Variants in PTPN14 observed in about 807,000 individuals in gnomAD.
The protein encoded by PTPN14 is tyrosine-protein phosphatase non-receptor type 14.
Under a neutral mutation model 126.8 loss-of-function variants are expected in PTPN14, and 53 were observed. The ratio of observed to expected loss-of-function variants is 0.42; its 90% CI spans 0.34 to 0.53. The LOEUF is 0.53. Ranked by LOEUF, PTPN14 falls within the 20% of genes least tolerant of loss-of-function variation. The pLI is 0.08. For synonymous variants in PTPN14, 630 were observed against 599.3 expected, an observed-to-expected ratio of 1.05 and a Z score of -0.75; for missense variants, 1,257 against 1,552.9, an observed-to-expected ratio of 0.81 and a Z score of 3.20.
Position 214,413,170 on chromosome 1 carries a change from C to A in PTPN14, c.443-1419G>T, listed in dbSNP as rs115413876. Among the ~76,000 whole-genome samples, 750 of 152,314 alleles carry A rather than the reference C, an allele frequency of 4.9e-3. 8 individuals carry two copies. Among genetic ancestry groups the A allele is most frequent in the African/African-American group, 0.016 (673 of 41,570 alleles). On this transcript the variant is annotated intron_variant, in intron 4 of 18. Transcript: ENST00000366956. Reference sequence around the variant, plus strand: ...GGGATTATAGGCATAAGCCACCACACCCAGCCCAACGAAAGCTTTTTAAAA... The same window carrying A: ...GGGATTATAGGCATAAGCCACCACAACCAGCCCAACGAAAGCTTTTTAAAA...
intron 3 of PTPN14, among the ~76,000 whole-genome samples, chr1:214,428,792 T>C (rs1203808312): frequency 6.6e-6 from 1 of 152,228 alleles, no homozygotes; most frequent in Non-Finnish European, 1.5e-5. Flanking sequence ...ATTTCCTTTC[T>C]TCCCACTTGA....
rs375961892 is a variant in PTPN14, at chr1:214,450,929, T to C, written c.344+876A>G. ...TCTCCAAGCTAAAGCAGACACTGAG[T>C]AGCTGCAATACCTTGTTCTCCTCTT... On this transcript the variant is annotated intron_variant, in intron 3 of 18. Transcript: ENST00000366956. Among the ~76,000 whole-genome samples the C allele has an allele frequency of 8.4e-4, 128 of 152,298 alleles. 2 individuals are homozygous for C. In the South Asian group the frequency reaches 0.026, roughly 31 times the overall value.
chr1:214,475,073 G>T (rs1344641912), intron 1 of PTPN14, among the ~76,000 whole-genome samples: 1 of 152,172 alleles, frequency 6.6e-6, no homozygotes, highest in Non-Finnish European at 1.5e-5. Context: ...GTTCTTGAAG[G>T]TGGGAGACAG....
intron 1 of PTPN14, among the ~76,000 whole-genome samples, chr1:214,485,928 A>G (rs532366580): frequency 9.9e-5 from 15 of 152,126 alleles, no homozygotes; most frequent in East Asian, 1.9e-4. Context: ...GGGTTTCACC[A>G]TGTTAGCCAG....
intron 3 of PTPN14, among the ~76,000 whole-genome samples, chr1:214,437,680 G>A (rs1000810127): frequency 1.3e-5 from 2 of 152,136 alleles, no homozygotes; most frequent in East Asian, 1.9e-4. Context: ...CCAGGAAGAC[G>A]CCCACAATTT....
chr1:214,482,305 A>G (rs1403736441), intron 1 of PTPN14, among the ~76,000 whole-genome samples: 1 of 70,488 alleles, frequency 1.4e-5, no homozygotes, highest in African/African-American at 5.3e-5. Context: ...GGCAAACAGA[A>G]AGGTGCTTTA....
chr1:214,497,811 T>A (rs2102426584), intron 1 of PTPN14, among the ~76,000 whole-genome samples: 1 of 152,252 alleles, frequency 6.6e-6, no homozygotes. Flanking sequence ...GGAAAAGTTC[T>A]GTGAGGAAAC....
In PTPN14 at chr1:214,355,220, G is replaced by A. The variant is rs894844229; in HGVS notation, c.*2702C>T. On this transcript the variant is annotated 3_prime_UTR_variant, in exon 19 of 19. Coordinates refer to ENST00000366956, the MANE Select transcript of PTPN14 (RefSeq NM_005401.5). ...ACTAATGAATATTCCCGTAGCATAC[G>A]GCAGGGACAGTGGATGAATTTCAGG... 6.6e-6 allele frequency: 1 copy of A among 152,134 alleles called. No individual in the cohort carries two copies. The highest frequency in any genetic ancestry group is 2.4e-5 in the African/African-American group (1 of 41,412). The allele number at this position is 152,134 out of a possible 1,614,324, so 9.4% of individuals were successfully genotyped here.
chr1:214,451,799 A>G lies in PTPN14; in HGVS notation c.344+6T>C. 1 of 1,613,652 alleles carries G rather than the reference A, an allele frequency of 6.2e-7. No individual in the cohort carries two copies. The highest frequency in any genetic ancestry group is 8.5e-7 in the Non-Finnish European group (1 of 1,179,768). On this transcript the variant is annotated splice_donor_region_variant and intron_variant, in intron 3 of 18. Transcript: ENST00000366956. ...TATATGGCACACAGGGGGAAAATGC[A>G]CCTACCTTGTGGCCTCTTGCTGAAG...
intron 1 of PTPN14, among the ~76,000 whole-genome samples, chr1:214,504,102 G>C (rs909001091): frequency 7.9e-5 from 12 of 152,126 alleles, no homozygotes; most frequent in Non-Finnish European, 1.8e-4. Context: ...CTAGTAATGA[G>C]AATGTGGAAA....
At chr1:214,417,787 C>T (rs1027390578) in intron 3 of PTPN14, among the ~76,000 whole-genome samples, 5 of 152,080 alleles carry the variant, frequency 3.3e-5, no homozygotes, top group African/African-American at 7.2e-5. Flanking sequence ...ACTCAGAGGC[C>T]GGGTACGTGT....
At chr1:214,483,109 A>G (rs1661034343) in intron 1 of PTPN14, 2 of 1,611,256 alleles carry the variant, frequency 1.2e-6, no homozygotes, top group Non-Finnish European at 1.7e-6. Context: ...ATGTTTCCAC[A>G]AATACTTGAA....
chr1:214,401,654 G>T, intron 7 of PTPN14, 31 bp downstream of exon 7: 2 of 1,495,700 alleles, frequency 1.3e-6, no homozygotes, highest in East Asian at 2.3e-5. Context: ...GTCTGAGAAG[G>T]TTAAAGCCAG....
chr1:214,478,226 G>C (rs1660906844), intron 1 of PTPN14, among the ~76,000 whole-genome samples: 1 of 152,152 alleles, frequency 6.6e-6, no homozygotes, highest in African/African-American at 2.4e-5. Context: ...GTAACAACCT[G>C]AGTATCCATA....
intron 3 of PTPN14, among the ~76,000 whole-genome samples, chr1:214,450,430 C>T (rs1660248562): frequency 6.6e-6 from 1 of 151,346 alleles, no homozygotes; most frequent in African/African-American, 2.4e-5. Context: ...CAAGATCGTG[C>T]CACTGCACTC....
Position 214,463,308 on chromosome 1 carries a change from G to A in PTPN14, c.174+1322C>T, listed in dbSNP as rs1350155327. On this transcript the variant is annotated intron_variant, in intron 2 of 18. Transcript: ENST00000366956. ...TGTGTTTAAATGTGTGTATCCTAAT[G>A]TGATACCAACGAGAAAAAGAGAGCC... 1.3e-4 allele frequency among the ~76,000 whole-genome samples: 12 copies of A among 92,806 alleles called. No homozygotes were observed. In the East Asian group the frequency reaches 3.6e-3, roughly 28 times the overall value. The allele number at this position is 92,806 out of a possible 152,430, so 60.9% of individuals were successfully genotyped here. A position where few individuals can be genotyped will look rare whatever the true frequency, so the allele number is the denominator to read the frequency against.
intron 1 of PTPN14, among the ~76,000 whole-genome samples, chr1:214,511,851 C>T (rs1654981232): frequency 6.6e-6 from 1 of 152,206 alleles, no homozygotes; most frequent in African/African-American, 2.4e-5. Flanking sequence ...ATACATGCTA[C>T]AACATGGATG....
intron 14 of PTPN14, 31 bp downstream of exon 14, chr1:214,377,928 A>C: frequency 6.2e-7 from 1 of 1,602,160 alleles, no homozygotes; most frequent in Non-Finnish European, 8.5e-7. Flanking sequence ...GACTACAGAG[A>C]ATGAGTCACA....
At chr1:214,387,557 T>C (rs1658649373) in intron 11 of PTPN14, among the ~76,000 whole-genome samples, 1 of 151,744 alleles carries the variant, frequency 6.6e-6, no homozygotes, top group South Asian at 2.1e-4. Context: ...CATGCACCTG[T>C]AGTCCCAGCT....
Sources: allele counts gnomAD v4.1 joint callset (sites outside exome capture counted in the v4.1 genomes callset), GRCh38; gene constraint gnomAD v4.1.1; transcripts MANE v1.5; gene names NCBI Gene and HGNC (gene_info 2026-07-23, HGNC 2026-07-21).